Variants in PXDNL observed in about 807,000 individuals in gnomAD.
The protein encoded by PXDNL is probable oxidoreductase PXDNL.
A neutral mutation model predicts 150.8 loss-of-function variants in PXDNL; 145 were observed. The ratio of observed to expected loss-of-function variants is 0.96; its 90% CI spans 0.84 to 1.10. The LOEUF (loss-of-function observed/expected upper bound fraction) is 1.10. Ranked by LOEUF, PXDNL falls within the 50% of genes least tolerant of loss-of-function variation. PXDNL has a pLI of 0.00. For missense variants in PXDNL, 2,087 were observed against 1,873.9 expected (o/e 1.11, Z -2.10); for synonymous variants, 757 against 725.7 (o/e 1.04, Z -0.69).
chr8:51,559,962 T>G (rs1812686759), intron 3 of PXDNL, among the ~76,000 whole-genome samples: 1 of 151,846 alleles, frequency 6.6e-6, no homozygotes, highest in Admixed American at 6.6e-5. Flanking sequence ...GAAAAACAAA[T>G]CTGATACTAA....
intron 4 of PXDNL, among the ~76,000 whole-genome samples, chr8:51,510,592 A>G (rs1811391960): frequency 6.6e-6 from 1 of 152,222 alleles, no homozygotes; most frequent in Non-Finnish European, 1.5e-5. Context: ...TTAAATCTGG[A>G]AGGCATGGAT....
intron 1 of PXDNL, among the ~76,000 whole-genome samples, chr8:51,761,340 G>A (rs2037164913): frequency 6.6e-6 from 1 of 151,974 alleles, no homozygotes; most frequent in African/African-American, 2.4e-5. Flanking sequence ...CTAACCTGAT[G>A]GCTTTGGTTT....
At chr8:51,750,468 T>C (rs1206924342) in intron 1 of PXDNL, among the ~76,000 whole-genome samples, 2 of 152,240 alleles carry the variant, frequency 1.3e-5, no homozygotes, top group East Asian at 3.8e-4. Context: ...CATTGCTCTA[T>C]GGCAGTAAGA....
chr8:51,543,920 A>T (rs1436047350), intron 4 of PXDNL, among the ~76,000 whole-genome samples: 1 of 152,158 alleles, frequency 6.6e-6, no homozygotes, highest in Non-Finnish European at 1.5e-5. Flanking sequence ...CAGCTCTATC[A>T]GTGAAATAAA....
intron 3 of PXDNL, among the ~76,000 whole-genome samples, chr8:51,586,003 ATG>A (rs1453416893): frequency 6.6e-6 from 1 of 152,092 alleles, no homozygotes; most frequent in Non-Finnish European, 1.5e-5. Context: ...ACCTATATGA[ATG>A]TGACAGAGTG....
chr8:51,499,468 T>G (rs1455004458), intron 5 of PXDNL, among the ~76,000 whole-genome samples: 2 of 152,220 alleles, frequency 1.3e-5, no homozygotes. Flanking sequence ...CTCTCATTTG[T>G]GAAGTGCTTC....
chr8:51,681,482 G>T (rs981765805), intron 1 of PXDNL, among the ~76,000 whole-genome samples: 12 of 152,196 alleles, frequency 7.9e-5, no homozygotes, highest in Admixed American at 5.9e-4. Context: ...GAGTCTACAT[G>T]CATCCTCTGG....
chr8:51,326,756 G>A (rs1407976315), intron 21 of PXDNL, among the ~76,000 whole-genome samples: 1 of 152,074 alleles, frequency 6.6e-6, no homozygotes, highest in Non-Finnish European at 1.5e-5. Flanking sequence ...CATTCCAGAA[G>A]TATCCTTATC....
intron 1 of PXDNL, among the ~76,000 whole-genome samples, chr8:51,678,462 C>A (rs1423444832): frequency 6.6e-6 from 1 of 151,932 alleles, no homozygotes; most frequent in Admixed American, 6.6e-5. Flanking sequence ...GACTTGGAAC[C>A]AACCCAGATG....
At chr8:51,682,144 C>A (rs1397133018) in intron 1 of PXDNL, among the ~76,000 whole-genome samples, 1 of 152,046 alleles carries the variant, frequency 6.6e-6, no homozygotes, top group African/African-American at 2.4e-5. Context: ...GCTATTATAT[C>A]TTGAACATTA....
chr8:51,758,094 A>G lies in PXDNL; in HGVS notation c.164+51087T>C, dbSNP rs1016547956. On this transcript the variant is annotated intron_variant, in intron 1 of 22. Transcript: ENST00000356297. ...TAATGTCAAATTTTAAATTAAATGT[A>G]TTGAAATTCAACTAAAATCTTTTTC... is the stretch of plus-strand genomic sequence containing the variant. Among the ~76,000 whole-genome samples, 4 of 152,206 alleles carry G rather than the reference A, an allele frequency of 2.6e-5. No homozygotes were observed. The South Asian group carries it at 8.3e-4, about 31-fold the overall frequency.
intron 2 of PXDNL, among the ~76,000 whole-genome samples, chr8:51,620,966 T>C (rs2130734684): frequency 6.6e-6 from 1 of 152,326 alleles, no homozygotes; most frequent in South Asian, 2.1e-4. Flanking sequence ...GAGAATTAGA[T>C]TGCTAAATAC....
At position 51,408,308 on chromosome 8, in the gene PXDNL, CA is replaced by C. The variant is rs754202572; in HGVS notation, c.3315del (p.Phe1105LeufsTer18). On this transcript the variant is annotated frameshift_variant, in exon 17 of 23. Coordinates refer to ENST00000356297, the MANE Select transcript of PXDNL (RefSeq NM_144651.5). LOFTEE classifies it high-confidence loss of function. The part of the protein sequence containing the change: ...GGIDPVLRGL[F>X]GVAAKWRAPS... ...GGTGCCCGCCATTTAGCAGCCACGC[CA>C]AACAGCCCCCGGAGAACCGGGTCTA... is the stretch of plus-strand genomic sequence containing the variant. 4 of 1,613,874 alleles carry C rather than the reference CA, an allele frequency of 2.5e-6. No homozygotes were observed. The African/African-American group carries it at 5.3e-5, about 22-fold the overall frequency.
At chr8:51,564,616 G>A (rs1034153067) in intron 3 of PXDNL, among the ~76,000 whole-genome samples, 1 of 151,470 alleles carries the variant, frequency 6.6e-6, no homozygotes, top group South Asian at 2.1e-4. Flanking sequence ...ACCGAGATAA[G>A]GGAGAAGAAG....
intron 12 of PXDNL, among the ~76,000 whole-genome samples, chr8:51,433,970 G>A (rs563759118): frequency 1.3e-5 from 2 of 152,084 alleles, no homozygotes; most frequent in East Asian, 3.9e-4. Flanking sequence ...ATGTTCATCA[G>A]GTTCTTTTAT....
chr8:51,530,162 T>C (rs1694530823), intron 4 of PXDNL, among the ~76,000 whole-genome samples: 1 of 152,124 alleles, frequency 6.6e-6, no homozygotes, highest in Admixed American at 6.5e-5. Flanking sequence ...AGAGGTCTAG[T>C]TGGGAGACCA....
At chr8:51,524,719 G>A (rs888577036) in intron 4 of PXDNL, among the ~76,000 whole-genome samples, 6 of 152,058 alleles carry the variant, frequency 3.9e-5, no homozygotes, top group Non-Finnish European at 7.4e-5. Flanking sequence ...GTTTGAATGT[G>A]TCAGGAAAAT....
At chr8:51,774,479 C>G (rs2037330560) in intron 1 of PXDNL, among the ~76,000 whole-genome samples, 1 of 152,056 alleles carries the variant, frequency 6.6e-6, no homozygotes, top group Non-Finnish European at 1.5e-5. Flanking sequence ...TTAATTTAAC[C>G]ATGTAAACCT....
intron 3 of PXDNL, among the ~76,000 whole-genome samples, chr8:51,570,282 G>A (rs1812906755): frequency 6.6e-6 from 1 of 151,924 alleles, no homozygotes; most frequent in African/African-American, 2.4e-5. Flanking sequence ...AGCTAAGGAT[G>A]AATTAAAGCT....
Sources: gnomAD v4.1 joint callset for allele counts (sites outside exome capture counted in the v4.1 genomes callset) on GRCh38, gnomAD v4.1.1 for gene constraint, MANE v1.5 for transcripts, NCBI Gene and HGNC (gene_info 2026-07-23, HGNC 2026-07-21) for gene names.